Variants in SOX5 observed in about 807,000 individuals in gnomAD.
SOX5 encodes transcription factor SOX-5.
A neutral mutation model predicts 92.0 loss-of-function variants in SOX5; 9 were observed. The observed-to-expected ratio is 0.10, with a 90% confidence interval of 0.06 to 0.17. The LOEUF is 0.17. Among genes scored for constraint, SOX5 ranks in the 10% least tolerant of loss-of-function variants. SOX5 has a pLI of 1.00. For missense variants in SOX5, 642 were observed against 944.5 expected (o/e 0.68, Z 4.20); for synonymous variants, 344 against 336.3 (o/e 1.02, Z -0.25).
chr12:24,521,476 C>CG (rs1950258086), intron 1 of SOX5, among the ~76,000 whole-genome samples: 2 of 152,208 alleles, frequency 1.3e-5, no homozygotes, highest in Non-Finnish European at 2.9e-5. Context: ...CAGACATAGA[C>CG]GGAACTTTCT....
chr12:23,706,849 T>G (rs1463947157), intron 6 of SOX5, among the ~76,000 whole-genome samples: 1 of 152,014 alleles, frequency 6.6e-6, no homozygotes, highest in Non-Finnish European at 1.5e-5. Flanking sequence ...TTAGTGCTAA[T>G]CCAACGTTAT....
intron 4 of SOX5, among the ~76,000 whole-genome samples, chr12:24,107,998 A>T (rs10734732): frequency 6.6e-6 from 1 of 152,030 alleles, no homozygotes; most frequent in Non-Finnish European, 1.5e-5. Flanking sequence ...ATCAAGTCAG[A>T]TGTTAATTTT....
chr12:24,190,724 G>A (rs1360349574), intron 4 of SOX5, among the ~76,000 whole-genome samples: 2 of 152,196 alleles, frequency 1.3e-5, no homozygotes, highest in African/African-American at 4.8e-5. Context: ...AATATTTCAT[G>A]TGTCACCAGG....
At chr12:24,386,485 T>C (rs944519649) in intron 1 of SOX5, among the ~76,000 whole-genome samples, 1 of 152,158 alleles carries the variant, frequency 6.6e-6, no homozygotes, top group African/African-American at 2.4e-5. Context: ...GGCCAGACGC[T>C]TCATGAAAAC....
chr12:24,225,244 C>T (rs2139850115), intron 3 of SOX5, among the ~76,000 whole-genome samples: 1 of 152,292 alleles, frequency 6.6e-6, no homozygotes, highest in Admixed American at 6.5e-5. Flanking sequence ...CCTAACCCAT[C>T]ACCAAAATCA....
intron 3 of SOX5, among the ~76,000 whole-genome samples, chr12:23,841,822 T>C (rs529990596): frequency 2.0e-4 from 30 of 152,172 alleles, no homozygotes; most frequent in Admixed American, 5.2e-4. Context: ...ACAGGATAGT[T>C]TGGAGTGGTG....
chr12:23,804,913 TTTTATATATATATATATA>T (rs1304155338), intron 3 of SOX5, among the ~76,000 whole-genome samples: 8 of 109,334 alleles, frequency 7.3e-5, no homozygotes, highest in African/African-American at 2.2e-4. Context: ...CCTATCATTG[TTTTATATATATATATATA>T]TATATATATA....
intron 4 of SOX5, among the ~76,000 whole-genome samples, chr12:24,161,984 T>A (rs960330779): frequency 2.0e-5 from 3 of 152,102 alleles, no homozygotes; most frequent in Non-Finnish European, 4.4e-5. Flanking sequence ...GAAAATTTAA[T>A]AGAAATCATT....
At chr12:24,085,156 T>C (rs1454384269) in intron 4 of SOX5, among the ~76,000 whole-genome samples, 2 of 152,100 alleles carry the variant, frequency 1.3e-5, no homozygotes, top group Non-Finnish European at 1.5e-5. Flanking sequence ...AGATACTTTC[T>C]TTTGCCTGAC....
At chr12:23,735,129 T>G (rs1351379638) in intron 5 of SOX5, among the ~76,000 whole-genome samples, 1 of 152,210 alleles carries the variant, frequency 6.6e-6, no homozygotes, top group African/African-American at 2.4e-5. Flanking sequence ...GGTTTAAGAC[T>G]GAGGAGTTCA....
intron 1 of SOX5, among the ~76,000 whole-genome samples, chr12:24,402,590 T>C (rs1365456635): frequency 6.6e-6 from 1 of 152,192 alleles, no homozygotes; most frequent in Non-Finnish European, 1.5e-5. Flanking sequence ...CTTATACAAT[T>C]TGGGGGCCCT....
intron 2 of SOX5, among the ~76,000 whole-genome samples, chr12:23,880,670 C>T (rs2137104065): frequency 1.3e-5 from 2 of 152,244 alleles, no homozygotes; most frequent in East Asian, 3.9e-4. Context: ...CTGGTTACCT[C>T]TATATAAGGC....
At chr12:23,709,441 C>A (rs538221799) in intron 6 of SOX5, among the ~76,000 whole-genome samples, 1 of 151,984 alleles carries the variant, frequency 6.6e-6, no homozygotes, top group African/African-American at 2.4e-5. Context: ...CAGAAGCATC[C>A]TCTAGTATAC....
intron 3 of SOX5, among the ~76,000 whole-genome samples, chr12:23,796,719 T>C (rs1433082765): frequency 6.6e-6 from 1 of 151,884 alleles, no homozygotes; most frequent in East Asian, 1.9e-4. Context: ...TGAAAAAAAC[T>C]AACTGAAACT....
At chr12:23,720,661 A>C (rs2092764969) in intron 6 of SOX5, among the ~76,000 whole-genome samples, 1 of 152,202 alleles carries the variant, frequency 6.6e-6, no homozygotes, top group Admixed American at 6.5e-5. Flanking sequence ...ATATGTTGTT[A>C]AAGTTTTTTA....
chr12:24,389,701 T>C (rs1411741495), intron 1 of SOX5, among the ~76,000 whole-genome samples: 1 of 152,246 alleles, frequency 6.6e-6, no homozygotes, highest in African/African-American at 2.4e-5. Context: ...TAAGTTTTTG[T>C]GTGAACACAT....
intron 1 of SOX5, among the ~76,000 whole-genome samples, chr12:24,497,362 A>T (rs4131686): frequency 0.28 from 41,991 of 152,128 alleles, 6,937 homozygotes; most frequent in East Asian, 0.71. Context: ...CCTTCCTAAG[A>T]TGCCAGGCAG....
At chr12:23,868,793 A>T (rs1227153950) in intron 2 of SOX5, among the ~76,000 whole-genome samples, 2 of 152,036 alleles carry the variant, frequency 1.3e-5, no homozygotes, top group Non-Finnish European at 2.9e-5. Context: ...TTTTTATTCA[A>T]TGTTTCCTAA....
At chr12:23,841,751 A>G (rs979112132) in intron 3 of SOX5, among the ~76,000 whole-genome samples, 4 of 152,256 alleles carry the variant, frequency 2.6e-5, no homozygotes, top group Admixed American at 1.3e-4. Flanking sequence ...AAAACTATAC[A>G]TGGTAATAAG....
Sources: gnomAD v4.1 joint callset for allele counts (sites outside exome capture counted in the v4.1 genomes callset) on GRCh38, gnomAD v4.1.1 for gene constraint, MANE v1.5 for transcripts, NCBI Gene and HGNC (gene_info 2026-07-23, HGNC 2026-07-21) for gene names.